The following EFHC2 variants were observed in gnomAD, a reference collection of about 807,000 sequenced individuals.
EFHC2 encodes EF-hand domain-containing family member C2.
EFHC2 carries 18 observed loss-of-function variants against 52.7 expected under a neutral mutation model. That is an observed-to-expected ratio of 0.34 (90% CI 0.24 to 0.51). The LOEUF (loss-of-function observed/expected upper bound fraction) is 0.51, where lower values mean the gene tolerates loss of function less well. Among genes scored for constraint, EFHC2 ranks in the 20% least tolerant of loss-of-function variants. The pLI is 0.97. For synonymous variants in EFHC2, 203 were observed against 204.1 expected (o/e 0.99, Z 0.04); for missense variants, 513 against 562.5 (o/e 0.91, Z 0.89).
rs6610897 is a variant in EFHC2 at position 44,169,158 on chromosome X, A to G, written c.2043-5131T>C. ...TTTTTAATATGATAGTAAAAGATGCAGTAGAAGGGCTGGAATATAAACTTA... is the reference window on the plus strand; with the variant it reads ...TTTTTAATATGATAGTAAAAGATGCGGTAGAAGGGCTGGAATATAAACTTA... On this transcript the variant is annotated intron_variant, in intron 13 of 14. Transcript: ENST00000420999. Among the ~76,000 whole-genome samples the G allele has an allele frequency of 4.5e-3, 506 of 112,149 alleles. 16 individuals are homozygous for G. The East Asian group carries it at 0.11, about 24-fold the overall frequency.
chrX:44,176,141 G>A, intron 13 of EFHC2, 151 bp downstream of exon 13: 4 of 431,864 alleles, frequency 9.3e-6, no homozygotes, highest in Non-Finnish European at 7.7e-6. Flanking sequence ...TTTTCCTTCT[G>A]TAACACTTAA....
chrX:44,309,502 A>G, intron 2 of EFHC2: 2 of 1,208,794 alleles, frequency 1.7e-6, no homozygotes, highest in Non-Finnish European at 1.1e-6. Flanking sequence ...GTCTGCCACA[A>G]ACTCAATGTA....
At chrX:44,206,467 G>C (rs986915002) in intron 11 of EFHC2, among the ~76,000 whole-genome samples, 1 of 111,556 alleles carries the variant, frequency 9.0e-6, no homozygotes, top group African/African-American at 3.3e-5. Flanking sequence ...AACTCCAAAG[G>C]TTCCTCCAAT....
At chrX:44,312,481 A>C in intron 2 of EFHC2, 87 bp downstream of exon 2, 1 of 731,769 alleles carries the variant, frequency 1.4e-6, no homozygotes, top group Non-Finnish European at 1.9e-6. Context: ...TAACATTTAC[A>C]CTGAAGACTC....
At chrX:44,232,436 C>A (rs193126389) in intron 10 of EFHC2, 45 bp downstream of exon 10, 176 of 973,634 alleles carry the variant, frequency 1.8e-4, no homozygotes, top group Non-Finnish European at 7.3e-5. Flanking sequence ...ACACAGACTG[C>A]GGAGGGCTGA....
chrX:44,169,613 G>T (rs1352377365), intron 13 of EFHC2, among the ~76,000 whole-genome samples: 3 of 110,027 alleles, frequency 2.7e-5, no homozygotes, highest in African/African-American at 9.9e-5. Context: ...TAATAGAGAA[G>T]AAATTATTAA....
intron 2 of EFHC2, among the ~76,000 whole-genome samples, chrX:44,306,298 G>A (rs2037904821): frequency 9.0e-6 from 1 of 111,478 alleles, no homozygotes; most frequent in South Asian, 3.8e-4. Flanking sequence ...CTTGCATGCA[G>A]GTAAATGGAC....
rs750854507 is a variant in EFHC2, at chrX:44,168,221, C to CG, written c.2043-4195dup. Among the ~76,000 whole-genome samples, 298 of 111,832 alleles carry CG rather than the reference C, an allele frequency of 2.7e-3. 3 individuals are homozygous for CG. Among genetic ancestry groups the CG allele is most frequent in the African/African-American group, 9.2e-3 (283 of 30,761 alleles). On this transcript the variant is annotated intron_variant, in intron 13 of 14. Coordinates refer to ENST00000420999, the MANE Select transcript of EFHC2 (RefSeq NM_025184.4). ...GGAATATGGTGTGGCACTGAAAACA[C>CG]GGATTGTTTGAAAGCCTTTAGAAAG...
At position 44,248,366 on chromosome X, in the gene EFHC2, G is replaced by C. The variant is rs367722189; in HGVS notation, c.1017C>G (p.Ser339=). 3.4e-6 allele frequency: 4 copies of C among 1,183,106 alleles called. No homozygotes were observed. Among genetic ancestry groups the C allele is most frequent in the Non-Finnish European group, 3.4e-6 (3 of 879,869 alleles). ...CCCACACATTGATGGTGACTCCTAGGGACAGGTCACTATCTTTGTAAAACT... is the reference window on the plus strand; with the variant it reads ...CCCACACATTGATGGTGACTCCTAGCGACAGGTCACTATCTTTGTAAAACT... The part of the protein sequence containing the change: ...DQEFYKDSDL[S]LGVTINVWGR... The change falls in exon 7 of 15, where the codon TCC becomes TCG. Residue 339 remains serine (S), a synonymous_variant. Coordinates refer to ENST00000420999, the MANE Select transcript of EFHC2 (RefSeq NM_025184.4).
At chrX:44,273,697 G>A (rs763476058) in intron 2 of EFHC2, among the ~76,000 whole-genome samples, 113 of 111,553 alleles carry the variant, frequency 1.0e-3, no homozygotes, top group Middle Eastern at 4.6e-3. Context: ...CTCACACACT[G>A]AGCACGACAA....
Position 44,177,075 on chromosome X carries a change from G to A in EFHC2, c.1950-691C>T, listed in dbSNP as rs764726420. On this transcript the variant is annotated intron_variant, in intron 12 of 14. Transcript: ENST00000420999. ...CTAGAATCAAAGCTTGATGGATCTGGAAGAACCTCAGGCTATCTGGTCAAG... is the reference window on the plus strand; with the variant it reads ...CTAGAATCAAAGCTTGATGGATCTGAAAGAACCTCAGGCTATCTGGTCAAG... Among the ~76,000 whole-genome samples the A allele has an allele frequency of 2.7e-5, 3 of 111,775 alleles. No individual in the cohort carries two copies. The South Asian group carries it at 1.1e-3, about 42-fold the overall frequency.
Position 44,148,577 on chromosome X carries a change from A to T in EFHC2, c.*218T>A. 1 of 340,348 alleles carries T rather than the reference A, an allele frequency of 2.9e-6. No homozygotes were observed. 28.0% of individuals were successfully genotyped at this position (340,348 alleles called of 1,213,427 possible). A position where few individuals can be genotyped will look rare whatever the true frequency, so the allele number is the denominator to read the frequency against. ...CATACATATAATAAAAATATTCAAC[A>T]TGTTTTAAGATGGCATTTTAAATAG... On this transcript the variant is annotated 3_prime_UTR_variant, in exon 15 of 15. Transcript: ENST00000420999.
At chrX:44,162,034 G>C (rs1240413388) in intron 14 of EFHC2, among the ~76,000 whole-genome samples, 1 of 112,074 alleles carries the variant, frequency 8.9e-6, no homozygotes, top group Non-Finnish European at 1.9e-5. Context: ...TGATTGCTAA[G>C]AGGATTAAAT....
intron 2 of EFHC2, among the ~76,000 whole-genome samples, chrX:44,303,244 C>T (rs1256187877): frequency 2.7e-5 from 3 of 111,090 alleles, no homozygotes; most frequent in East Asian, 5.7e-4. Flanking sequence ...GTGACCGTGA[C>T]GGATCAAGAC....
intron 14 of EFHC2, among the ~76,000 whole-genome samples, chrX:44,152,625 C>T (rs759293220): frequency 9.0e-6 from 1 of 110,691 alleles, no homozygotes; most frequent in African/African-American, 3.3e-5. Context: ...GCTAAACCCA[C>T]TCCTAAGGGG....
intron 13 of EFHC2, among the ~76,000 whole-genome samples, chrX:44,166,749 C>G (rs1307440252): frequency 3.6e-5 from 4 of 111,591 alleles, no homozygotes; most frequent in African/African-American, 1.3e-4. Flanking sequence ...CAGTCAAAGA[C>G]TACCAAATAA....
intron 2 of EFHC2, chrX:44,286,067 A>G (rs1489833896): frequency 8.8e-6 from 1 of 113,094 alleles, no homozygotes; most frequent in African/African-American, 3.2e-5. Flanking sequence ...AGAGAGAATT[A>G]TTGTAGAAAC....
intron 8 of EFHC2, among the ~76,000 whole-genome samples, chrX:44,239,143 GAA>G: frequency 9.0e-6 from 1 of 111,176 alleles, no homozygotes; most frequent in Middle Eastern, 4.6e-3. Flanking sequence ...TTTAAAAGAA[GAA>G]AAAAAATGAC....
chrX:44,214,233 ACT>A (rs1418725573), intron 11 of EFHC2, among the ~76,000 whole-genome samples: 1 of 112,211 alleles, frequency 8.9e-6, no homozygotes, highest in Non-Finnish European at 1.9e-5. Context: ...GATCCAGGAA[ACT>A]CAGAGAACAA....
Sources: allele counts gnomAD v4.1 joint callset (sites outside exome capture counted in the v4.1 genomes callset), GRCh38; gene constraint gnomAD v4.1.1; transcripts MANE v1.5; gene names NCBI Gene and HGNC (gene_info 2026-07-23, HGNC 2026-07-21).